TSPEAR: variants seen among roughly 807,000 people sequenced by gnomAD.
TSPEAR encodes thrombospondin-type laminin G domain and EAR repeat-containing protein.
In TSPEAR, 69 loss-of-function variants were observed where a neutral mutation model predicts 71.6. The ratio of observed to expected loss-of-function variants is 0.96; its 90% CI spans 0.79 to 1.18. TSPEAR has a LOEUF of 1.18. TSPEAR is among the 50% of genes most tolerant of loss of function. The pLI is 0.00. For synonymous variants in TSPEAR, 402 were observed against 387.2 expected (o/e 1.04, Z -0.45); for missense variants, 971 against 894.9 (o/e 1.09, Z -1.09).
rs587730399 is a variant in TSPEAR, at chr21:44,596,688, T to C, written c.83-28683A>G. Among the ~76,000 whole-genome samples, 6 of 152,368 alleles carry C rather than the reference T, an allele frequency of 3.9e-5. No homozygotes were observed. In the East Asian group the frequency reaches 7.7e-4, roughly 20 times the overall value. On this transcript the variant is annotated intron_variant, in intron 1 of 11. Transcript: ENST00000323084. ...ATGTTGGGAACATCAATGGTTTTCA[T>C]TTTTTCCAATATAAAAAATGATATC...
At chr21:44,705,425 T>C (rs35534934) in intron 1 of TSPEAR, among the ~76,000 whole-genome samples, 46,664 of 152,148 alleles carry the variant, frequency 0.31, 7,414 homozygotes, top group Admixed American at 0.36. Flanking sequence ...AACCTTAAAC[T>C]CTAACCGCCG....
intron 1 of TSPEAR, chr21:44,697,392 G>A (rs200968568): frequency 4.0e-5 from 64 of 1,610,986 alleles, no homozygotes; most frequent in Non-Finnish European, 5.0e-5. Context: ...CCCTGCTGCC[G>A]AGTGACCTGT....
At chr21:44,701,674 G>A (rs1327182097) in intron 1 of TSPEAR, among the ~76,000 whole-genome samples, 9 of 152,178 alleles carry the variant, frequency 5.9e-5, no homozygotes, top group Admixed American at 1.3e-4. Context: ...GGTCCTCTGA[G>A]GATCCAGTGC....
intron 2 of TSPEAR, among the ~76,000 whole-genome samples, chr21:44,537,349 G>GAACC (rs2053106304): frequency 6.6e-6 from 1 of 152,194 alleles, no homozygotes; most frequent in Non-Finnish European, 1.5e-5. Flanking sequence ...GAACAAGCTA[G>GAACC]AACCAACGTT....
chr21:44,544,803 T>C (rs1331599047), intron 2 of TSPEAR, among the ~76,000 whole-genome samples: 1 of 152,090 alleles, frequency 6.6e-6, no homozygotes, highest in South Asian at 2.1e-4. Flanking sequence ...GCCACTGTCA[T>C]GCAGAAGCTG....
intron 1 of TSPEAR, among the ~76,000 whole-genome samples, chr21:44,575,571 C>G (rs1978383058): frequency 3.3e-5 from 5 of 152,214 alleles, no homozygotes; most frequent in Non-Finnish European, 2.9e-5. Context: ...TTGGGTTTGT[C>G]CCTAACCCTC....
intron 10 of TSPEAR, chr21:44,508,924 AAGG>A (rs1555912237): frequency 6.6e-7 from 1 of 1,512,230 alleles, no homozygotes; most frequent in Admixed American, 1.8e-5. Context: ...GCTCGGATGA[AAGG>A]AGGTAATGGG....
chr21:44,565,176 A>G (rs1555921591), intron 2 of TSPEAR, among the ~76,000 whole-genome samples: 1 of 152,206 alleles, frequency 6.6e-6, no homozygotes. Flanking sequence ...AAATACCTGT[A>G]TTAAGAAAGA....
At chr21:44,580,486 G>T in intron 1 of TSPEAR, 2 of 1,613,230 alleles carry the variant, frequency 1.2e-6, no homozygotes, top group Middle Eastern at 1.8e-4. Flanking sequence ...GGGCGGTGCC[G>T]CAGGGGGGCT....
rs142840805 is a variant in TSPEAR, at chr21:44,545,870, T to C, written c.304-11947A>G. On this transcript the variant is annotated intron_variant, in intron 2 of 11. Coordinates refer to ENST00000323084, the MANE Select transcript of TSPEAR (RefSeq NM_144991.3). Reference sequence around the variant, plus strand: ...AGGAACTAGAAAAAGAGGAGCAAACTGAATCCAAATTTAGCAGAAGGTAGA... The same window carrying C: ...AGGAACTAGAAAAAGAGGAGCAAACCGAATCCAAATTTAGCAGAAGGTAGA... 7.9e-5 allele frequency among the ~76,000 whole-genome samples: 12 copies of C among 152,138 alleles called. No individual in the cohort carries two copies. In the East Asian group the frequency reaches 2.3e-3, roughly 29 times the overall value.
intron 3 of TSPEAR, among the ~76,000 whole-genome samples, chr21:44,532,747 G>A (rs2052998150): frequency 6.6e-6 from 1 of 152,184 alleles, no homozygotes; most frequent in South Asian, 2.1e-4. Context: ...CCGAGCTAGG[G>A]GACTGAGGAC....
intron 1 of TSPEAR, chr21:44,592,500 G>T (rs2146128123): frequency 1.3e-6 from 2 of 1,597,454 alleles, no homozygotes; most frequent in Non-Finnish European, 1.7e-6. Context: ...GGTTGAACTG[G>T]TGGAGGGTGA....
At chr21:44,676,006 C>A in intron 1 of TSPEAR, 1 of 834,450 alleles carries the variant, frequency 1.2e-6, no homozygotes. Flanking sequence ...ATTCTCCCTT[C>A]AGCTGATTGA....
intron 8 of TSPEAR, among the ~76,000 whole-genome samples, chr21:44,522,607 C>T (rs1330913359): frequency 6.6e-6 from 1 of 152,220 alleles, no homozygotes; most frequent in Non-Finnish European, 1.5e-5. Context: ...CGGAGAGATG[C>T]CCCCAGACCC....
intron 2 of TSPEAR, among the ~76,000 whole-genome samples, chr21:44,538,641 T>A (rs2053139642): frequency 6.6e-6 from 1 of 152,128 alleles, no homozygotes; most frequent in African/African-American, 2.4e-5. Flanking sequence ...GAGGCTGCAG[T>A]GCCCGGACCC....
At chr21:44,533,198 G>A (rs1479211656) in intron 3 of TSPEAR, among the ~76,000 whole-genome samples, 1 of 152,188 alleles carries the variant, frequency 6.6e-6, no homozygotes, top group Non-Finnish European at 1.5e-5. Flanking sequence ...CTTCATAAAC[G>A]CTCCGCGGGA....
intron 1 of TSPEAR, chr21:44,654,710 C>G (rs1488916776): frequency 7.5e-6 from 6 of 798,974 alleles, no homozygotes; most frequent in Non-Finnish European, 1.2e-5. Context: ...GGCATCCTGG[C>G]AACAAGCCCC....
At chr21:44,511,351 A>G (rs1327418525) in intron 9 of TSPEAR, among the ~76,000 whole-genome samples, 1 of 152,016 alleles carries the variant, frequency 6.6e-6, no homozygotes, top group East Asian at 1.9e-4. Flanking sequence ...AAACATGCAT[A>G]TGCACTGTGT....
chr21:44,529,665 G>GCC (rs1324799009), intron 5 of TSPEAR, 133 bp downstream of exon 5: 3 of 1,015,868 alleles, frequency 3.0e-6, no homozygotes, highest in Non-Finnish European at 4.3e-6. Flanking sequence ...TATGACCGCT[G>GCC]CCCCCCGTAG....
Sources: allele counts gnomAD v4.1 joint callset (sites outside exome capture counted in the v4.1 genomes callset), GRCh38; gene constraint gnomAD v4.1.1; transcripts MANE v1.5; gene names NCBI Gene and HGNC (gene_info 2026-07-23, HGNC 2026-07-21).